Variants in LAMA3 observed in about 807,000 individuals in gnomAD.
The protein encoded by LAMA3 is laminin subunit alpha-3.
Under a neutral mutation model 402.0 loss-of-function variants are expected in LAMA3, and 281 were observed. The observed-to-expected ratio is 0.70, with a 90% CI of 0.63 to 0.77. The LOEUF (loss-of-function observed/expected upper bound fraction) is 0.77. Ranked by LOEUF, LAMA3 falls within the 30% of genes least tolerant of loss-of-function variation. The pLI, the probability that LAMA3 is intolerant of heterozygous loss-of-function variation, is 0.00. For synonymous variants in LAMA3, 1,431 were observed against 1,558.4 expected, an observed-to-expected ratio of 0.92 and a Z score of 1.93; for missense variants, 3,840 against 4,215.5, an observed-to-expected ratio of 0.91 and a Z score of 2.47.
rs550140177 is a variant in LAMA3 at position 23,833,890 on chromosome 18, T to C, written c.2886T>C (p.Tyr962=). Residue 962 remains tyrosine, a synonymous_variant, in exon 24 of 75, where the codon TAT becomes TAC. Transcript: ENST00000313654. ...GCCACTACGTGGTTGTGGTCGAGTA[T>C]TCCACGGAGGCAGCTCAGCTGTTTG... is the stretch of plus-strand genomic sequence containing the variant. ...QVGHYVVVVE[Y]STEAAQLFVV... is the part of the protein sequence containing the mutation. 2.5e-6 allele frequency: 4 copies of C among 1,614,004 alleles called. No homozygotes were observed. The highest frequency in any genetic ancestry group is 1.7e-4 in the Middle Eastern group (1 of 6,020).
intron 14 of LAMA3, among the ~76,000 whole-genome samples, chr18:23,813,553 C>CT (rs1164123647): frequency 0.033 from 3,742 of 114,976 alleles, 67 homozygotes; most frequent in South Asian, 0.05. Flanking sequence ...TCTTTTCTTT[C>CT]TTTTTTTTTT....
chr18:23,814,286 A>C, intron 14 of LAMA3, 117 bp from the exon 15 acceptor site: 2 of 772,236 alleles, frequency 2.6e-6, no homozygotes, highest in Non-Finnish European at 4.7e-6. Flanking sequence ...CCCTGGATAC[A>C]CTTAATTACT....
intron 39 of LAMA3, among the ~76,000 whole-genome samples, chr18:23,877,657 G>A (rs998484519): frequency 6.6e-6 from 1 of 152,190 alleles, no homozygotes; most frequent in Non-Finnish European, 1.5e-5. Context: ...TTGTTGTGAA[G>A]AGCCAACTGA....
At chr18:23,934,616 A>T (rs77408125) in intron 67 of LAMA3, among the ~76,000 whole-genome samples, 11,807 of 152,272 alleles carry the variant, frequency 0.078, 659 homozygotes, top group Non-Finnish European at 0.11. Flanking sequence ...TGAGGTTACA[A>T]TTAATATGGT....
chr18:23,953,349 T>C (rs8099356), intron 74 of LAMA3, among the ~76,000 whole-genome samples: 1 of 146,492 alleles, frequency 6.8e-6, no homozygotes, highest in South Asian at 2.2e-4. Flanking sequence ...TTTTTTTTTT[T>C]GTTTTTTTTT....
intron 12 of LAMA3, among the ~76,000 whole-genome samples, chr18:23,806,806 G>T (rs952714078): frequency 6.6e-6 from 1 of 152,196 alleles, no homozygotes; most frequent in African/African-American, 2.4e-5. Flanking sequence ...AGGAGATAAG[G>T]ATTTCTTTCT....
At chr18:23,928,570 T>C (rs2082075339) in intron 63 of LAMA3, 55 bp from the exon 64 acceptor site, 2 of 1,569,914 alleles carry the variant, frequency 1.3e-6, no homozygotes, top group East Asian at 4.5e-5. Flanking sequence ...AGGTACTGTA[T>C]TTCAGCCAAG....
chr18:23,938,899 G>C (rs750574203), intron 67 of LAMA3, among the ~76,000 whole-genome samples: 1 of 152,100 alleles, frequency 6.6e-6, no homozygotes, highest in Admixed American at 6.6e-5. Context: ...CTGCCTCCTA[G>C]CCCTGTCTTA....
chr18:23,722,817 C>A (rs1316159941), intron 2 of LAMA3, among the ~76,000 whole-genome samples: 1 of 152,154 alleles, frequency 6.6e-6, no homozygotes. Context: ...GTCACTGTGA[C>A]CTCCTTGGTG....
At chr18:23,847,760 C>A in intron 32 of LAMA3, 92 bp downstream of exon 32, 1 of 1,334,500 alleles carries the variant, frequency 7.5e-7, no homozygotes, top group Non-Finnish European at 1.0e-6. Context: ...CCACTTCCCA[C>A]CTGTCCAGGG....
At chr18:23,775,569 A>T (rs976405505) in intron 9 of LAMA3, among the ~76,000 whole-genome samples, 2 of 151,748 alleles carry the variant, frequency 1.3e-5, no homozygotes, top group Admixed American at 1.3e-4. Flanking sequence ...CATCCATGAG[A>T]ACTTCTGTGT....
intron 2 of LAMA3, among the ~76,000 whole-genome samples, chr18:23,724,275 G>A (rs2061261339): frequency 6.6e-6 from 1 of 152,066 alleles, no homozygotes; most frequent in African/African-American, 2.4e-5. Flanking sequence ...TTTCTACAAT[G>A]AGCATGTATT....
At chr18:23,946,052 T>G in intron 69 of LAMA3, 92 bp from the exon 70 acceptor site, 1 of 1,128,198 alleles carries the variant, frequency 8.9e-7, no homozygotes, top group Non-Finnish European at 1.3e-6. Context: ...CATGAAAACA[T>G]TTTTTTTTAA....
chr18:23,910,528 C>T (rs984400670), intron 55 of LAMA3, among the ~76,000 whole-genome samples: 2 of 152,192 alleles, frequency 1.3e-5, no homozygotes, highest in African/African-American at 4.8e-5. Flanking sequence ...TCAGGCTGCT[C>T]TCCAGCCACT....
chr18:23,772,096 C>T (rs2062211693), intron 8 of LAMA3, among the ~76,000 whole-genome samples: 1 of 148,350 alleles, frequency 6.7e-6, no homozygotes, highest in South Asian at 2.1e-4. Flanking sequence ...GGCTGGAGTG[C>T]AGTGGTGTGA....
chr18:23,857,081 C>G (rs1012906927), intron 32 of LAMA3, among the ~76,000 whole-genome samples: 5 of 152,168 alleles, frequency 3.3e-5, no homozygotes, highest in Non-Finnish European at 7.4e-5. Context: ...TCATGGGTTC[C>G]CAGCAATCCC....
intron 36 of LAMA3, among the ~76,000 whole-genome samples, chr18:23,865,488 C>T (rs1467628838): frequency 6.6e-6 from 1 of 152,122 alleles, no homozygotes; most frequent in Non-Finnish European, 1.5e-5. Flanking sequence ...TCATAAATGT[C>T]TTTGAATCCT....
intron 37 of LAMA3, among the ~76,000 whole-genome samples, chr18:23,870,430 T>C (rs1236771866): frequency 6.6e-6 from 1 of 152,134 alleles, no homozygotes; most frequent in Non-Finnish European, 1.5e-5. Context: ...ACTGTGGAAA[T>C]ATCTCAGAAA....
At chr18:23,710,224 A>G in intron 1 of LAMA3, 1 of 629,914 alleles carries the variant, frequency 1.6e-6, no homozygotes, top group South Asian at 1.6e-5. Flanking sequence ...TTGGCCTTCA[A>G]AACCTTCGTT....
Sources: allele counts gnomAD v4.1 joint callset (sites outside exome capture counted in the v4.1 genomes callset), GRCh38; gene constraint gnomAD v4.1.1; transcripts MANE v1.5; gene names NCBI Gene and HGNC (gene_info 2026-07-23, HGNC 2026-07-21).